The following SLC35D4 variants were observed in gnomAD, a reference collection of about 807,000 sequenced individuals.
SLC35D4 encodes the protein UDP-N-acetylglucosamine transporter SLC35D4.
the SLC35D4 span, among the ~76,000 whole-genome samples, chr18:23,385,616 G>A: frequency 6.6e-6 from 1 of 152,210 alleles, no homozygotes; most frequent in Admixed American, 6.5e-5. Context: ...AGTGGGGCAT[G>A]GGTGGAACAT....
At chr18:23,346,606 T>C in the SLC35D4 span, among the ~76,000 whole-genome samples, 1 of 152,122 alleles carries the variant, frequency 6.6e-6, no homozygotes, top group African/African-American at 2.4e-5. Flanking sequence ...GACATTCTTA[T>C]GTTGCTCCTG....
the SLC35D4 span, among the ~76,000 whole-genome samples, chr18:23,336,961 T>A: frequency 4.6e-5 from 7 of 152,122 alleles, no homozygotes; most frequent in Admixed American, 4.6e-4. Flanking sequence ...GAGAGCAAAG[T>A]GTGATGGGCT....
the SLC35D4 span, among the ~76,000 whole-genome samples, chr18:23,303,633 G>T: frequency 5.0e-4 from 76 of 152,378 alleles, no homozygotes; most frequent in African/African-American, 1.8e-3. Context: ...GGGCGCAGTG[G>T]CTCACGCCTG....
chr18:23,403,043 T>C, the SLC35D4 span, among the ~76,000 whole-genome samples: 1 of 151,870 alleles, frequency 6.6e-6, no homozygotes, highest in Non-Finnish European at 1.5e-5. Flanking sequence ...GAGGTGGAGG[T>C]TGCAGTGAGC....
At chr18:23,274,661 C>T in the SLC35D4 span, among the ~76,000 whole-genome samples, 1 of 152,178 alleles carries the variant, frequency 6.6e-6, no homozygotes, top group African/African-American at 2.4e-5. Context: ...GGCAGCCTCC[C>T]CACTGCCACT....
the SLC35D4 span, among the ~76,000 whole-genome samples, chr18:23,379,108 T>C: frequency 6.6e-6 from 1 of 151,130 alleles, no homozygotes; most frequent in Non-Finnish European, 1.5e-5. Context: ...GTATGATAAA[T>C]GTGTTACTCA....
At chr18:23,297,987 C>A in the SLC35D4 span, 1 of 1,612,764 alleles carries the variant, frequency 6.2e-7, no homozygotes, top group South Asian at 1.1e-5. Context: ...GCCTGTGAGT[C>A]TTTCTCTTGA....
At chr18:23,391,958 GAC>G in the SLC35D4 span, among the ~76,000 whole-genome samples, 1 of 146,716 alleles carries the variant, frequency 6.8e-6, no homozygotes, top group African/African-American at 2.5e-5. Flanking sequence ...TTTTTTTTGA[GAC>G]AGAGTTTCAC....
At chr18:23,377,916 A>G in the SLC35D4 span, among the ~76,000 whole-genome samples, 4 of 152,188 alleles carry the variant, frequency 2.6e-5, no homozygotes, top group African/African-American at 7.2e-5. Context: ...TTACTCGTGA[A>G]AGATAAAATG....
chr18:23,284,028 T>C, the SLC35D4 span, among the ~76,000 whole-genome samples: 5 of 152,358 alleles, frequency 3.3e-5, no homozygotes, highest in Middle Eastern at 3.4e-3. Context: ...GACGTTGCCA[T>C]TGCATTTGTA....
the SLC35D4 span, among the ~76,000 whole-genome samples, chr18:23,378,970 C>T: frequency 1.3e-5 from 2 of 152,176 alleles, no homozygotes; most frequent in Admixed American, 1.3e-4. Flanking sequence ...TTTGTCCAAC[C>T]CTGCCTCTGC....
the SLC35D4 span, chr18:23,421,359 G>T: frequency 1.9e-6 from 3 of 1,612,794 alleles, no homozygotes; most frequent in Non-Finnish European, 1.7e-6. Context: ...AGCATAGAGA[G>T]GTTATACCTT....
At chr18:23,333,954 G>A in the SLC35D4 span, among the ~76,000 whole-genome samples, 1 of 152,176 alleles carries the variant, frequency 6.6e-6, no homozygotes, top group Non-Finnish European at 1.5e-5. Context: ...TTATGCCTCT[G>A]GGTGCTCTGC....
chr18:23,410,249 G>C, the SLC35D4 span, among the ~76,000 whole-genome samples: 1 of 152,154 alleles, frequency 6.6e-6, no homozygotes, highest in African/African-American at 2.4e-5. Flanking sequence ...GGGAGGCCGA[G>C]GTGGGCGGAT....
the SLC35D4 span, among the ~76,000 whole-genome samples, chr18:23,427,505 A>G: frequency 6.6e-6 from 1 of 152,166 alleles, no homozygotes; most frequent in African/African-American, 2.4e-5. Context: ...CGATCATTAA[A>G]AAGTCAGGAA....
the SLC35D4 span, among the ~76,000 whole-genome samples, chr18:23,312,820 G>A: frequency 2.0e-5 from 3 of 152,032 alleles, no homozygotes; most frequent in Non-Finnish European, 2.9e-5. Flanking sequence ...AGTCACATTC[G>A]ACAAAGGGTG....
the SLC35D4 span, among the ~76,000 whole-genome samples, chr18:23,347,125 A>G: frequency 6.6e-6 from 1 of 152,208 alleles, no homozygotes; most frequent in Non-Finnish European, 1.5e-5. Flanking sequence ...AATAAAGCCA[A>G]CTGGGGCTGA....
chr18:23,426,410 A>G, the SLC35D4 span, among the ~76,000 whole-genome samples: 1 of 152,208 alleles, frequency 6.6e-6, no homozygotes, highest in African/African-American at 2.4e-5. Context: ...GTGAATTCCC[A>G]TTCACAATTG....
the SLC35D4 span, chr18:23,377,021 T>C: frequency 4.4e-6 from 2 of 454,320 alleles, no homozygotes; most frequent in Non-Finnish European, 8.8e-6. Flanking sequence ...TAAATCCATC[T>C]ATCAAAGCAC....
Sources: allele counts gnomAD v4.1 joint callset (sites outside exome capture counted in the v4.1 genomes callset), GRCh38; gene constraint gnomAD v4.1.1; transcripts MANE v1.5; gene names NCBI Gene and HGNC (gene_info 2026-07-23, HGNC 2026-07-21).